AOX1: variants seen among roughly 807,000 people sequenced by gnomAD.
AOX1 encodes the protein aldehyde oxidase.
Under a neutral mutation model 169.5 loss-of-function variants are expected in AOX1, and 153 were observed. The ratio of observed to expected loss-of-function variants is 0.90; its 90% CI spans 0.79 to 1.03. The LOEUF (loss-of-function observed/expected upper bound fraction) is 1.03. Ranked by LOEUF, AOX1 falls within the 50% of genes least tolerant of loss-of-function variation. The pLI, the probability that AOX1 is intolerant of heterozygous loss-of-function variation, is 0.00. For missense variants in AOX1, 1,656 were observed against 1,663.9 expected (o/e 1.00, Z 0.08); for synonymous variants, 562 against 581.9 (o/e 0.97, Z 0.49).
chr2:200,668,498 G>A (rs1031794622), intron 32 of AOX1, 117 bp from the exon 33 acceptor site: 6 of 905,694 alleles, frequency 6.6e-6, no homozygotes, highest in Non-Finnish European at 1.0e-5. Flanking sequence ...AAGACACCCT[G>A]AAAATGCTCT....
chr2:200,665,294 A>C (rs1451383793), intron 31 of AOX1, among the ~76,000 whole-genome samples: 2 of 152,214 alleles, frequency 1.3e-5, no homozygotes, highest in South Asian at 2.1e-4. Flanking sequence ...GTATAGGAGG[A>C]GACTACATAT....
intron 27 of AOX1, among the ~76,000 whole-genome samples, chr2:200,658,724 C>T (rs373270550): frequency 8.6e-5 from 13 of 151,890 alleles, no homozygotes; most frequent in East Asian, 5.9e-4. Flanking sequence ...CCAAGGCCAT[C>T]GTCCTTTCTC....
chr2:200,607,554 T>C (rs1363990679), intron 10 of AOX1, among the ~76,000 whole-genome samples: 1 of 152,200 alleles, frequency 6.6e-6, no homozygotes, highest in Non-Finnish European at 1.5e-5. Flanking sequence ...TGGAAGACAG[T>C]GTGGTGATTC....
At chr2:200,612,859 T>C in intron 14 of AOX1, 66 bp downstream of exon 14, 1 of 1,215,014 alleles carries the variant, frequency 8.2e-7, no homozygotes, top group Non-Finnish European at 1.2e-6. Flanking sequence ...AGAGGAGCCC[T>C]TTTTGTGGTG....
At chr2:200,640,770 T>C (rs2035337881) in intron 23 of AOX1, among the ~76,000 whole-genome samples, 1 of 152,056 alleles carries the variant, frequency 6.6e-6, no homozygotes, top group Admixed American at 6.5e-5. Flanking sequence ...TATGAGAAAA[T>C]AATGTTTTCT....
chr2:200,619,042 A>G (rs2034826496), intron 16 of AOX1, among the ~76,000 whole-genome samples: 4 of 152,212 alleles, frequency 2.6e-5, no homozygotes, highest in Admixed American at 2.6e-4. Flanking sequence ...TATTGTTCAT[A>G]TGTGCTGAAT....
intron 26 of AOX1, among the ~76,000 whole-genome samples, chr2:200,653,600 C>T (rs1432436497): frequency 1.3e-5 from 2 of 152,248 alleles, no homozygotes; most frequent in Non-Finnish European, 2.9e-5. Flanking sequence ...TTCATCGTCC[C>T]ACAGGGCCTC....
At chr2:200,668,885 G>T in intron 33 of AOX1, 82 bp downstream of exon 33, 1 of 1,239,048 alleles carries the variant, frequency 8.1e-7, no homozygotes, top group Non-Finnish European at 1.1e-6. Context: ...TCTCTTGGCT[G>T]TTTGGGATTT....
chr2:200,596,248 C>T (rs145311256), intron 3 of AOX1, among the ~76,000 whole-genome samples: 180 of 152,338 alleles, frequency 1.2e-3, no homozygotes, highest in African/African-American at 4.1e-3. Flanking sequence ...CCCTGCTTTA[C>T]GGCCTGGCTG....
chr2:200,603,759 C>T (rs566602369), intron 7 of AOX1, among the ~76,000 whole-genome samples: 1 of 152,164 alleles, frequency 6.6e-6, no homozygotes, highest in East Asian at 1.9e-4. Context: ...CTGCTGCCTC[C>T]TCTTCTACTG....
intron 10 of AOX1, among the ~76,000 whole-genome samples, chr2:200,605,834 T>C (rs2034504837): frequency 6.6e-6 from 1 of 152,140 alleles, no homozygotes; most frequent in Non-Finnish European, 1.5e-5. Context: ...TTTGATGGGG[T>C]TGCTTTTTCC....
chr2:200,678,199 T>C (rs1417182663), downstream of AOX1: 1 of 152,228 alleles, frequency 6.6e-6, no homozygotes, highest in South Asian at 2.1e-4. Flanking sequence ...ATGCTATTTG[T>C]CTACTGCTGC....
chr2:200,602,308 A>G lies in AOX1; in HGVS notation c.461A>G (p.Tyr154Cys), dbSNP rs1384467392. The G allele has an allele frequency of 6.2e-7, 1 of 1,614,004 alleles. No homozygotes were observed. The highest frequency in any genetic ancestry group is 1.7e-5 in the Admixed American group (1 of 59,996). Reference sequence around the variant, plus strand: ...GGTAACCTGTGCCGTTGCACTGGATACAGGCCCATAATTGATGCATGCAAG... The same window carrying G: ...GGTAACCTGTGCCGTTGCACTGGATGCAGGCCCATAATTGATGCATGCAAG... ...LGGNLCRCTG[Y>C]RPIIDACKTF... Residue 154 changes from tyrosine (Y) to cysteine (C), a missense_variant, in exon 6 of 35, where the codon TAC becomes TGC. Physicochemically the swap from Tyr to Cys is radical, Grantham distance 194 (BLOSUM62 -2). Transcript: ENST00000374700.
chr2:200,648,929 T>C lies in AOX1; in HGVS notation c.2848-2045T>C, dbSNP rs532905152. ...ATACAAGCAGAAGGGTTGGTCTCAC[T>C]CCCAATGTGTACCCCCCAACAGCCC... is the stretch of plus-strand genomic sequence containing the variant. On this transcript the variant is annotated intron_variant, in intron 25 of 34. Coordinates refer to ENST00000374700, the MANE Select transcript of AOX1 (RefSeq NM_001159.4). Among the ~76,000 whole-genome samples the C allele has an allele frequency of 1.2e-3, 185 of 152,140 alleles. 1 individual carries two copies. The highest frequency in any genetic ancestry group is 2.1e-3 in the Non-Finnish European group (145 of 67,986).
chr2:200,613,125 AC>A (rs1342249669), intron 14 of AOX1, among the ~76,000 whole-genome samples: 1 of 152,024 alleles, frequency 6.6e-6, no homozygotes, highest in Non-Finnish European at 1.5e-5. Context: ...ATGATGAAAA[AC>A]CAATTATGTG....
chr2:200,658,616 C>T lies in AOX1; in HGVS notation c.3172-549C>T, dbSNP rs189412750. Among the ~76,000 whole-genome samples the T allele has an allele frequency of 1.7e-4, 26 of 152,322 alleles. No homozygotes were observed. In the East Asian group the frequency reaches 3.7e-3, roughly 21 times the overall value. On this transcript the variant is annotated intron_variant, in intron 27 of 34. Transcript: ENST00000374700. ...TTAGCAATATGATTTTGCTCTCTAG[C>T]GCTAAAAATAAAGAATAAAGCAGCC...
At chr2:200,652,078 C>T (rs4503970) in intron 26 of AOX1, among the ~76,000 whole-genome samples, 117,628 of 152,012 alleles carry the variant, frequency 0.77, 46,226 homozygotes, top group Non-Finnish European at 0.85. Flanking sequence ...AAAATAGGAA[C>T]AAATGGCAGG....
At chr2:200,612,470 C>T (rs1281396769) in intron 13 of AOX1, 139 bp from the exon 14 acceptor site, 10 of 773,454 alleles carry the variant, frequency 1.3e-5, no homozygotes, top group South Asian at 1.7e-5. Flanking sequence ...GCTCAACACA[C>T]ACACACTACC....
At chr2:200,628,387 TG>T (rs1371364963) in intron 20 of AOX1, among the ~76,000 whole-genome samples, 1 of 125,608 alleles carries the variant, frequency 8.0e-6, no homozygotes, top group Non-Finnish European at 1.6e-5. Flanking sequence ...GTCTCAATAA[TG>T]TCCTTTATAG....
Sources: allele counts gnomAD v4.1 joint callset (sites outside exome capture counted in the v4.1 genomes callset), GRCh38; gene constraint gnomAD v4.1.1; transcripts MANE v1.5; gene names NCBI Gene and HGNC (gene_info 2026-07-23, HGNC 2026-07-21).